ARHGAP32: variants seen among roughly 807,000 people sequenced by gnomAD.
The protein encoded by ARHGAP32 is rho GTPase-activating protein 32.
ARHGAP32 carries 51 observed loss-of-function variants against 186.5 expected under a neutral mutation model. The observed-to-expected ratio is 0.27, with a 90% CI of 0.22 to 0.35. The LOEUF is 0.35. Among genes scored for constraint, ARHGAP32 ranks in the 10% least tolerant of loss-of-function variants. ARHGAP32 has a pLI of 1.00. For synonymous variants in ARHGAP32, 950 were observed against 964.3 expected, an observed-to-expected ratio of 0.99 and a Z score of 0.27; for missense variants, 2,186 against 2,623.5, an observed-to-expected ratio of 0.83 and a Z score of 3.64.
rs754962201 is a variant in ARHGAP32 at position 128,974,294 on chromosome 11, G to T, written c.2903C>A (p.Thr968Asn). The change falls in exon 21 of 23, where the codon ACC becomes AAC. Residue 968 changes from threonine to asparagine, a missense_variant. By Grantham distance (65) the Thr-to-Asn change is moderately conservative. This residue lies in a region of ARHGAP32 where 1,502 missense variants were observed against 1,570.0 expected (regional missense o/e 0.96). Coordinates refer to ENST00000682385, the MANE Select transcript of ARHGAP32 (RefSeq NM_001378024.1). ...ATTTGTTTTCATCTTTACTATCTGG[G>T]TGGGGGATCTATTTGTGGCATCCCT... ...EERDATNRSP[T>N]QIVKMKTNET... 15 of 1,614,186 alleles carry T rather than the reference G, an allele frequency of 9.3e-6. No individual in the cohort carries two copies. The highest frequency in any genetic ancestry group is 1.3e-5 in the Non-Finnish European group (15 of 1,180,040).
intron 10 of ARHGAP32, among the ~76,000 whole-genome samples, chr11:129,046,284 AAT>A (rs1939801737): frequency 6.6e-6 from 1 of 151,898 alleles, no homozygotes; most frequent in Non-Finnish European, 1.5e-5. Context: ...ATAATTACAA[AAT>A]ATATTTGATT....
intron 5 of ARHGAP32, among the ~76,000 whole-genome samples, chr11:129,094,936 T>A (rs1941688749): frequency 6.6e-6 from 1 of 152,216 alleles, no homozygotes; most frequent in African/African-American, 2.4e-5. Context: ...GCATGGACAG[T>A]GTCCACCCAG....
chr11:129,113,327 T>C (rs1036001060), intron 5 of ARHGAP32, among the ~76,000 whole-genome samples: 4 of 152,168 alleles, frequency 2.6e-5, no homozygotes, highest in Non-Finnish European at 5.9e-5. Context: ...ACAAAATTAT[T>C]ACAGTAGTAC....
chr11:129,075,713 C>G (rs1186503146), intron 6 of ARHGAP32, among the ~76,000 whole-genome samples: 1 of 152,128 alleles, frequency 6.6e-6, no homozygotes, highest in Non-Finnish European at 1.5e-5. Flanking sequence ...TTCTGAGGCT[C>G]ATATGGAACA....
chr11:129,042,160 T>C (rs1318616194), intron 10 of ARHGAP32, among the ~76,000 whole-genome samples: 2 of 152,230 alleles, frequency 1.3e-5, no homozygotes, highest in Non-Finnish European at 2.9e-5. Flanking sequence ...TTTTTTGTTT[T>C]TTGTTTTTGA....
At chr11:129,169,959 A>G (rs1943723758) in intron 1 of ARHGAP32, among the ~76,000 whole-genome samples, 1 of 152,120 alleles carries the variant, frequency 6.6e-6, no homozygotes, top group Admixed American at 6.5e-5. Flanking sequence ...TTTAGAGCAA[A>G]AGCTAGACAT....
chr11:129,033,175 C>T (rs1939184762), intron 11 of ARHGAP32, among the ~76,000 whole-genome samples: 2 of 152,160 alleles, frequency 1.3e-5, no homozygotes, highest in South Asian at 4.1e-4. Flanking sequence ...ATTCATTCCA[C>T]CATGTATACA....
At position 129,080,513 on chromosome 11, in the gene ARHGAP32, C is replaced by T. The variant is rs138055559; in HGVS notation, c.531+13108G>A. Among the ~76,000 whole-genome samples the T allele has an allele frequency of 3.0e-3, 462 of 152,156 alleles. 4 individuals are homozygous for T. The highest frequency in any genetic ancestry group is 0.01 in the African/African-American group (434 of 41,518). ...TGTTCCTGAATGATTGTTGGGTCAA[C>T]AATGAAATTAAGATGGAAATTTAAA... On this transcript the variant is annotated intron_variant, in intron 6 of 22. Transcript: ENST00000682385.
chr11:129,171,857 T>C (rs1417131278), intron 1 of ARHGAP32, among the ~76,000 whole-genome samples: 1 of 152,156 alleles, frequency 6.6e-6, no homozygotes, highest in East Asian at 1.9e-4. Flanking sequence ...GAGCAGTGGT[T>C]TGTAGTTCTC....
intron 1 of ARHGAP32, among the ~76,000 whole-genome samples, chr11:129,232,885 T>A (rs1944877072): frequency 1.3e-5 from 2 of 152,150 alleles, no homozygotes; most frequent in South Asian, 2.1e-4. Context: ...CTGAGAAAAC[T>A]TCTCTTTTAC....
intron 11 of ARHGAP32, among the ~76,000 whole-genome samples, chr11:129,011,634 A>C (rs904403780): frequency 2.1e-4 from 32 of 152,200 alleles, no homozygotes; most frequent in Non-Finnish European, 4.0e-4. Flanking sequence ...AAACATTTCA[A>C]AACATTTTAA....
At chr11:129,198,248 G>C (rs1442683174) in intron 1 of ARHGAP32, among the ~76,000 whole-genome samples, 1 of 152,130 alleles carries the variant, frequency 6.6e-6, no homozygotes, top group Non-Finnish European at 1.5e-5. Context: ...CTTTCAAAAA[G>C]CTGTTCTTAT....
intron 18 of ARHGAP32, among the ~76,000 whole-genome samples, chr11:128,980,009 T>G (rs967860452): frequency 3.3e-4 from 50 of 152,194 alleles, no homozygotes; most frequent in African/African-American, 1.2e-3. Flanking sequence ...GAATGACCAG[T>G]TGCTGGGTCC....
intron 5 of ARHGAP32, among the ~76,000 whole-genome samples, chr11:129,103,619 G>A (rs1369259706): frequency 1.3e-5 from 2 of 151,640 alleles, no homozygotes; most frequent in African/African-American, 4.8e-5. Flanking sequence ...GAAAAGGAAA[G>A]ATAAAGAAAA....
At chr11:129,108,509 A>C (rs1565426217) in intron 5 of ARHGAP32, among the ~76,000 whole-genome samples, 1 of 152,090 alleles carries the variant, frequency 6.6e-6, no homozygotes, top group Non-Finnish European at 1.5e-5. Flanking sequence ...GTGAAGGGAG[A>C]AATAGGCAGT....
intron 6 of ARHGAP32, among the ~76,000 whole-genome samples, chr11:129,090,638 A>G (rs1489314337): frequency 6.6e-6 from 1 of 152,180 alleles, no homozygotes; most frequent in Non-Finnish European, 1.5e-5. Context: ...CAGCACAGGT[A>G]GAAAAAAACG....
chr11:129,121,380 A>C (rs1348082257), intron 5 of ARHGAP32, among the ~76,000 whole-genome samples: 1 of 152,112 alleles, frequency 6.6e-6, no homozygotes, highest in Non-Finnish European at 1.5e-5. Context: ...GTTGAATTCA[A>C]CCAGAAGCAG....
chr11:129,047,129 C>A (rs868607687), intron 10 of ARHGAP32, among the ~76,000 whole-genome samples: 280 of 126,946 alleles, frequency 2.2e-3, no homozygotes, highest in Middle Eastern at 8.0e-3. Flanking sequence ...GACTCCGTCT[C>A]AAAAAAAAAA....
intron 6 of ARHGAP32, among the ~76,000 whole-genome samples, chr11:129,089,208 T>C (rs1470211588): frequency 6.6e-6 from 1 of 152,224 alleles, no homozygotes; most frequent in Non-Finnish European, 1.5e-5. Context: ...ACCACTCACA[T>C]GGTGCTAAGC....
Sources: gnomAD v4.1 joint callset for allele counts (sites outside exome capture counted in the v4.1 genomes callset) on GRCh38, gnomAD v4.1.1 for gene constraint, gnomAD v4.1.1 regional missense constraint, MANE v1.5 for transcripts, NCBI Gene and HGNC (gene_info 2026-07-23, HGNC 2026-07-21) for gene names.